Variants in KAZN observed in about 807,000 individuals in gnomAD.
KAZN encodes the protein kazrin, periplakin interacting protein.
Under a neutral mutation model 87.4 loss-of-function variants are expected in KAZN, and 40 were observed. The ratio of observed to expected loss-of-function variants is 0.46; its 90% CI spans 0.36 to 0.60. KAZN has a LOEUF of 0.60. KAZN is among the 20% of genes least tolerant of loss of function. KAZN has a pLI of 0.00. For missense variants in KAZN, 898 were observed against 1,073.9 expected, an observed-to-expected ratio of 0.84 and a Z score of 2.29; for synonymous variants, 466 against 458.3, an observed-to-expected ratio of 1.02 and a Z score of -0.22.
intron 1 of KAZN, among the ~76,000 whole-genome samples, chr1:13,923,856 C>T (rs1640166763): frequency 6.6e-6 from 1 of 152,064 alleles, no homozygotes; most frequent in Non-Finnish European, 1.5e-5. Flanking sequence ...TAGTTAAATC[C>T]TAGGAAATGT....
At chr1:13,917,791 T>C (rs1189227486) in intron 1 of KAZN, among the ~76,000 whole-genome samples, 9 of 110,198 alleles carry the variant, frequency 8.2e-5, no homozygotes, top group South Asian at 3.0e-4. Context: ...GAAAGACCTG[T>C]GTCATCAAAA....
At chr1:14,164,814 C>T (rs1246534019) in intron 1 of KAZN, among the ~76,000 whole-genome samples, 2 of 152,100 alleles carry the variant, frequency 1.3e-5, no homozygotes, top group Non-Finnish European at 2.9e-5. Context: ...GCTGGGATTA[C>T]AGGCATGAGC....
chr1:13,979,211 C>A (rs907398794), intron 1 of KAZN, among the ~76,000 whole-genome samples: 4 of 152,048 alleles, frequency 2.6e-5, no homozygotes, highest in African/African-American at 7.2e-5. Context: ...GGAAACCCGT[C>A]CCCCAAAGCT....
intron 1 of KAZN, among the ~76,000 whole-genome samples, chr1:13,910,001 G>T (rs1016443733): frequency 9.2e-5 from 14 of 152,170 alleles, no homozygotes; most frequent in Admixed American, 7.9e-4. Context: ...ACTCCCAATA[G>T]CTGGCATTTG....
intron 2 of KAZN, among the ~76,000 whole-genome samples, chr1:14,990,014 A>G (rs1369904438): frequency 1.3e-5 from 2 of 152,022 alleles, no homozygotes; most frequent in Non-Finnish European, 2.9e-5. Context: ...CATAGGTTTT[A>G]TCACATTGCC....
intron 1 of KAZN, among the ~76,000 whole-genome samples, chr1:14,079,618 T>C (rs1643596151): frequency 6.6e-6 from 1 of 152,204 alleles, no homozygotes; most frequent in African/African-American, 2.4e-5. Context: ...AACGGAATGA[T>C]GTCTTTTGCT....
intron 1 of KAZN, among the ~76,000 whole-genome samples, chr1:14,032,537 C>T (rs540283218): frequency 6.6e-6 from 1 of 152,274 alleles, no homozygotes; most frequent in East Asian, 1.9e-4. Context: ...TGACCTAGAC[C>T]TCTATTGTCT....
intron 2 of KAZN, among the ~76,000 whole-genome samples, chr1:14,976,071 A>G (rs1016656209): frequency 2.0e-5 from 3 of 148,226 alleles, no homozygotes; most frequent in Admixed American, 2.0e-4. Context: ...AAGTACACTC[A>G]GCTCTCAGAC....
At chr1:13,984,487 T>G (rs1638914992) in intron 1 of KAZN, among the ~76,000 whole-genome samples, 1 of 152,202 alleles carries the variant, frequency 6.6e-6, no homozygotes, top group African/African-American at 2.4e-5. Context: ...TATTTTGACC[T>G]AATAATTCTA....
intron 2 of KAZN, among the ~76,000 whole-genome samples, chr1:14,202,130 G>C (rs1350043802): frequency 2.6e-5 from 4 of 152,156 alleles, no homozygotes; most frequent in African/African-American, 7.2e-5. Flanking sequence ...AGCAAGATGG[G>C]GGTCAGTAAT....
At chr1:14,384,962 G>T (rs1661735165) in intron 2 of KAZN, among the ~76,000 whole-genome samples, 2 of 151,040 alleles carry the variant, frequency 1.3e-5, no homozygotes. Context: ...CTTTTTGGTT[G>T]GTAAGCTATT....
At position 14,773,943 on chromosome 1, in the gene KAZN, A is replaced by G. The variant is rs1234342519; in HGVS notation, c.226+174720A>G. Among the ~76,000 whole-genome samples the G allele has an allele frequency of 6.6e-6, 1 of 152,214 alleles. No homozygotes were observed. Among genetic ancestry groups the G allele is most frequent in the African/African-American group, 2.4e-5 (1 of 41,456 alleles). ...CACTAATTAGAAAAAAGTGGTTCTC[A>G]CCGCCAAAGCCCTCCAGCCCATGGC... On this transcript the variant is annotated intron_variant, in intron 1 of 14. Transcript: ENST00000376030. The surrounding 1 kb of genome is among the most constrained non-coding windows in gnomAD (Gnocchi z 5.9).
intron 1 of KAZN, among the ~76,000 whole-genome samples, chr1:14,113,963 G>A (rs1570768197): frequency 1.3e-5 from 2 of 152,320 alleles, no homozygotes; most frequent in African/African-American, 4.8e-5. Flanking sequence ...TGTTTGGGTA[G>A]GAAGGGAAAA....
At chr1:14,436,035 C>G (rs1666363793) in intron 2 of KAZN, among the ~76,000 whole-genome samples, 1 of 152,132 alleles carries the variant, frequency 6.6e-6, no homozygotes, top group Non-Finnish European at 1.5e-5. Flanking sequence ...CAAGACCATC[C>G]TGGCCAACAT....
At chr1:14,771,222 G>A (rs992205906) in intron 1 of KAZN, among the ~76,000 whole-genome samples, 7 of 151,990 alleles carry the variant, frequency 4.6e-5, no homozygotes, top group Admixed American at 1.3e-4. Flanking sequence ...GTACTGCCCC[G>A]AACTCCTGTA....
intron 1 of KAZN, among the ~76,000 whole-genome samples, chr1:14,815,596 G>A (rs1646539754): frequency 1.3e-5 from 2 of 152,188 alleles, no homozygotes; most frequent in East Asian, 3.9e-4. Context: ...ATCATTGTCT[G>A]AATGTCAGAG....
chr1:14,838,604 A>T (rs781676559), intron 1 of KAZN, among the ~76,000 whole-genome samples: 61 of 152,124 alleles, frequency 4.0e-4, no homozygotes, highest in Non-Finnish European at 7.6e-4. Context: ...TTGTAAGGTT[A>T]GCTTCCTGGT....
chr1:14,096,912 C>T (rs1436674666), intron 1 of KAZN, among the ~76,000 whole-genome samples: 1 of 152,226 alleles, frequency 6.6e-6, no homozygotes, highest in African/African-American at 2.4e-5. Flanking sequence ...TTCTCAGAAG[C>T]TCACCCAGGG....
chr1:14,455,904 G>A (rs1456637155), intron 2 of KAZN, among the ~76,000 whole-genome samples: 2 of 152,178 alleles, frequency 1.3e-5, no homozygotes, highest in Non-Finnish European at 2.9e-5. Flanking sequence ...AAAAAGAAAT[G>A]TCCCTTAGAG....
Sources: allele counts gnomAD v4.1 joint callset (sites outside exome capture counted in the v4.1 genomes callset), GRCh38; gene constraint gnomAD v4.1.1; non-coding constraint Gnocchi (gnomAD v3.1); transcripts MANE v1.5; gene names NCBI Gene and HGNC (gene_info 2026-07-23, HGNC 2026-07-21).